The following FSCN1 variants were observed in gnomAD, a reference collection of about 807,000 sequenced individuals.
The protein encoded by FSCN1 is fascin actin-bundling protein 1, also known as fascin.
Under a neutral mutation model 39.7 loss-of-function variants are expected in FSCN1, and 10 were observed. That is an observed-to-expected ratio of 0.25 (90% confidence interval 0.16 to 0.43). The LOEUF (loss-of-function observed/expected upper bound fraction) is 0.43, where lower values mean the gene tolerates loss of function less well. Ranked by LOEUF, FSCN1 falls within the 20% of genes least tolerant of loss-of-function variation. The probability of loss-of-function intolerance (pLI) is 1.00; values close to 1 mark genes in which losing one functional copy is unlikely to be tolerated. For missense variants in FSCN1, 525 were observed against 723.8 expected, an observed-to-expected ratio of 0.73 and a Z score of 3.15; for synonymous variants, 322 against 320.0, an observed-to-expected ratio of 1.01 and a Z score of -0.07.
intron 1 of FSCN1, chr7:5,593,995 A>G: frequency 1.9e-6 from 1 of 536,982 alleles, no homozygotes; most frequent in South Asian, 2.2e-5. Context: ...GGCTGGGATC[A>G]TGGGCTCCCC....
At position 5,599,634 on chromosome 7, in the gene FSCN1, A is replaced by G. The variant is rs1785792314; in HGVS notation, c.833-3623A>G. On this transcript the variant is annotated intron_variant, in intron 1 of 4. Transcript: ENST00000382361. The surrounding 1 kb of genome is among the most constrained non-coding windows in gnomAD (Gnocchi z 5.6). ...TGGGCAACATAGCGAGACCACCCCC[A>G]TCTCTACAAAATAATGTTAAAGTTA... is the stretch of plus-strand genomic sequence containing the variant. 6.6e-6 allele frequency among the ~76,000 whole-genome samples: 1 copy of G among 151,970 alleles called. No homozygotes were observed. Among genetic ancestry groups the G allele is most frequent in the African/African-American group, 2.4e-5 (1 of 41,360 alleles).
In FSCN1 at chr7:5,605,188, GAACA is replaced by G; in HGVS notation, c.1280-83_1280-80del. 1 of 1,029,646 alleles carries G rather than the reference GAACA, an allele frequency of 9.7e-7. No homozygotes were observed. The highest frequency in any genetic ancestry group is 1.5e-6 in the Non-Finnish European group (1 of 669,480). 63.8% of individuals were successfully genotyped at this position (1,029,646 alleles called of 1,614,324 possible). A position where few individuals can be genotyped will look rare whatever the true frequency, so the allele number is the denominator to read the frequency against. ...CTGGAGGGTGGGGCGTCACCCTTGG[GAACA>G]CCCGTGCCCACCCTCCGCTGCCCAG... is the stretch of plus-strand genomic sequence containing the variant. On this transcript the variant is annotated intron_variant, in intron 4 of 4. Coordinates refer to ENST00000382361, the MANE Select transcript of FSCN1 (RefSeq NM_003088.4). The surrounding 1 kb of genome is among the most constrained non-coding windows in gnomAD (Gnocchi z 6.9).
intron 4 of FSCN1, among the ~76,000 whole-genome samples, chr7:5,604,508 A>T (rs1405618004): frequency 9.0e-6 from 1 of 110,842 alleles, no homozygotes; most frequent in Admixed American, 8.1e-5. Flanking sequence ...TCACTCCCTC[A>T]CCCTGGCTGG....
chr7:5,597,375 A>AT lies in FSCN1; in HGVS notation c.832+3615dup, dbSNP rs557545712. Among the ~76,000 whole-genome samples the AT allele has an allele frequency of 5.0e-3, 750 of 151,116 alleles. 1 individual carries two copies. Among genetic ancestry groups the AT allele is most frequent in the Admixed American group, 0.011 (174 of 15,176 alleles). ...CAGAACGAGACCCTGTCTTAAAAAA[A>AT]TTTTTTTTGGCCTGGTGCGGTGGCT... On this transcript the variant is annotated intron_variant, in intron 1 of 4. Transcript: ENST00000382361.
chr7:5,594,045 A>AACCCCCCCC (rs1562744737), intron 1 of FSCN1: 1 of 262,496 alleles, frequency 3.8e-6, no homozygotes, highest in Non-Finnish European at 6.6e-6. Context: ...CACCCTCCTA[A>AACCCCCCCC]CCCCCCCCCC....
chr7:5,604,903 CTGGGTTT>C (rs1401607848), intron 4 of FSCN1, among the ~76,000 whole-genome samples: 1 of 152,108 alleles, frequency 6.6e-6, no homozygotes, highest in Non-Finnish European at 1.5e-5. Context: ...TCCCACAGTG[CTGGGTTT>C]ATAGGTGTGA....
At position 5,593,269 on chromosome 7, in the gene FSCN1, C is replaced by T; in HGVS notation, c.333C>T (p.Tyr111=). ...WSLQSEAHRR[Y]FGGTEDRLSC... Reference sequence around the variant, plus strand: ...TGCAGTCCGAGGCGCACCGGCGCTACTTCGGCGGCACCGAGGACCGCCTGT... The same window carrying T: ...TGCAGTCCGAGGCGCACCGGCGCTATTTCGGCGGCACCGAGGACCGCCTGT... The change falls in exon 1 of 5, where the codon TAC becomes TAT. Residue 111 remains tyrosine, a synonymous_variant. Transcript: ENST00000382361. The T allele has an allele frequency of 1.9e-6, 3 of 1,609,700 alleles. No homozygotes were observed. The highest frequency in any genetic ancestry group is 2.5e-6 in the Non-Finnish European group (3 of 1,179,038).
chr7:5,597,791 G>A (rs75128031), intron 1 of FSCN1, among the ~76,000 whole-genome samples: 2,385 of 151,766 alleles, frequency 0.016, 33 homozygotes, highest in South Asian at 0.036. Context: ...TGGAAACAGG[G>A]AAGGCCACTG....
At chr7:5,598,995 G>T (rs1050053704) in intron 1 of FSCN1, among the ~76,000 whole-genome samples, 1 of 152,204 alleles carries the variant, frequency 6.6e-6, no homozygotes, top group African/African-American at 2.4e-5. Context: ...GCAGCCCTGC[G>T]GCTTCTGTGC....
In FSCN1 at chr7:5,606,449, T is replaced by G. The variant is rs560204570; in HGVS notation, c.*975T>G. On this transcript the variant is annotated 3_prime_UTR_variant, in exon 5 of 5. Transcript: ENST00000382361. The surrounding 1 kb of genome is among the most constrained non-coding windows in gnomAD (Gnocchi z 5.1). ...GTGCTCCCTGGGCCTCCCGGGTGGA[T>G]GAAGCCAGGCGTCGCCCCCTCCGGG... 2.6e-5 allele frequency: 4 copies of G among 152,066 alleles called. No homozygotes were observed. The highest frequency in any genetic ancestry group is 4.4e-5 in the Non-Finnish European group (3 of 67,912). 9.4% of individuals were successfully genotyped at this position (152,066 alleles called of 1,614,324 possible). A position where few individuals can be genotyped will look rare whatever the true frequency, so the allele number is the denominator to read the frequency against.
At chr7:5,596,063 G>A (rs1288624085) in intron 1 of FSCN1, among the ~76,000 whole-genome samples, 1 of 151,598 alleles carries the variant, frequency 6.6e-6, no homozygotes, top group African/African-American at 2.4e-5. Flanking sequence ...CGAGGTTGGG[G>A]CTCCTCTGGC....
chr7:5,600,563 C>T (rs1198031225), intron 1 of FSCN1, among the ~76,000 whole-genome samples: 1 of 151,188 alleles, frequency 6.6e-6, no homozygotes, highest in Non-Finnish European at 1.5e-5. Flanking sequence ...CGGATCTCAG[C>T]TCACTGCAGC....
chr7:5,603,536 C>A lies in FSCN1; in HGVS notation c.1030C>A (p.Arg344Ser). The A allele has an allele frequency of 6.2e-7, 1 of 1,614,124 alleles. No homozygotes were observed. Among genetic ancestry groups the A allele is most frequent in the Non-Finnish European group, 8.5e-7 (1 of 1,180,016 alleles). Residue 344 changes from arginine (R) to serine (S), a missense_variant, in exon 3 of 5, where the codon CGC becomes AGC. Transcript: ENST00000382361. The surrounding 1 kb of genome is among the most constrained non-coding windows in gnomAD (Gnocchi z 8.5). ...CYFDIEWRDR[R>S]ITLRASNGKF... ...CTTTGACATCGAGTGGCGTGACCGG[C>A]GCATCACACTGAGGGCGTCCAATGG...
At chr7:5,602,392 A>T (rs1317294285) in intron 1 of FSCN1, among the ~76,000 whole-genome samples, 2 of 151,804 alleles carry the variant, frequency 1.3e-5, no homozygotes, top group African/African-American at 2.4e-5. Flanking sequence ...TTTTATTTTA[A>T]TTTTTACATA....
At chr7:5,597,810 G>A (rs945560800) in intron 1 of FSCN1, among the ~76,000 whole-genome samples, 3 of 152,038 alleles carry the variant, frequency 2.0e-5, no homozygotes, top group Non-Finnish European at 4.4e-5. Context: ...TGTGAGGGGA[G>A]GACAGGCAGG....
At position 5,605,545 on chromosome 7, in the gene FSCN1, C is replaced by A; in HGVS notation, c.*71C>A. ...CAACCCTCCCTGCTAACCCCTTCTC[C>A]GCCAGGTGGGCTCCAGGGCGGGAGG... On this transcript the variant is annotated 3_prime_UTR_variant, in exon 5 of 5. Transcript: ENST00000382361. This position sits in a 1 kb window ranked among gnomAD's most constrained non-coding sequence, Gnocchi z 6.9. The A allele has an allele frequency of 2.5e-6, 3 of 1,179,168 alleles. No individual in the cohort carries two copies. Among genetic ancestry groups the A allele is most frequent in the Non-Finnish European group, 3.5e-6 (3 of 845,748 alleles). 73.0% of individuals were successfully genotyped at this position (1,179,168 alleles called of 1,614,324 possible). A position where few individuals can be genotyped will look rare whatever the true frequency, so the allele number is the denominator to read the frequency against.
At chr7:5,596,960 G>C (rs1162787238) in intron 1 of FSCN1, among the ~76,000 whole-genome samples, 1 of 152,170 alleles carries the variant, frequency 6.6e-6, no homozygotes, top group East Asian at 1.9e-4. Flanking sequence ...ACAAGCCAGG[G>C]GCATCTGGGG....
chr7:5,605,488 T>G lies in FSCN1; in HGVS notation c.*14T>G. The G allele has an allele frequency of 6.6e-7, 1 of 1,522,788 alleles. No homozygotes were observed. Among genetic ancestry groups the G allele is most frequent in the Non-Finnish European group, 8.9e-7 (1 of 1,126,496 alleles). The allele number at this position is 1,522,788 out of a possible 1,614,324, so 94.3% of individuals were successfully genotyped here. Reference sequence around the variant, plus strand: ...TGGGAGTACTAGGGCCGGCCCGTCCTTCCCCGCCCCTGCCCACATGGCGGC... The same window carrying G: ...TGGGAGTACTAGGGCCGGCCCGTCCGTCCCCGCCCCTGCCCACATGGCGGC... On this transcript the variant is annotated 3_prime_UTR_variant, in exon 5 of 5. Transcript: ENST00000382361. The surrounding 1 kb of genome is among the most constrained non-coding windows in gnomAD (Gnocchi z 6.9).
Position 5,593,224 on chromosome 7 carries a change from C to A in FSCN1, c.288C>A (p.His96Gln). 1 of 1,607,236 alleles carries A rather than the reference C, an allele frequency of 6.2e-7. No homozygotes were observed. Among genetic ancestry groups the A allele is most frequent in the Non-Finnish European group, 8.5e-7 (1 of 1,178,154 alleles). The change falls in exon 1 of 5, where the codon CAC becomes CAA. Residue 96 changes from histidine to glutamine, a missense_variant. Around this residue, in one of 3 missense-constraint regions of FSCN1, gnomAD observed 246 missense variants for 350.6 expected, o/e 0.70. Transcript: ENST00000382361. The stretch of plus-strand genomic sequence containing the variant: ...ACTGCCGTTTCCTCATCGTGGCGCA[C>A]GACGACGGTCGCTGGTCGCTGCAGT... ...GPDCRFLIVA[H>Q]DDGRWSLQSE...
Sources: allele counts gnomAD v4.1 joint callset (sites outside exome capture counted in the v4.1 genomes callset), GRCh38; gene constraint gnomAD v4.1.1; regional missense constraint gnomAD v4.1.1; non-coding constraint Gnocchi (gnomAD v3.1); transcripts MANE v1.5; gene names NCBI Gene and HGNC (gene_info 2026-07-23, HGNC 2026-07-21).